Variants in DMD observed in about 807,000 individuals in gnomAD.
DMD encodes the protein mutant dystrophin.
A neutral mutation model predicts 330.1 loss-of-function variants in DMD; 63 were observed. The observed-to-expected ratio is 0.19, with a 90% CI of 0.16 to 0.24. The LOEUF (loss-of-function observed/expected upper bound fraction) is 0.24. Ranked by LOEUF, DMD falls within the 10% of genes least tolerant of loss-of-function variation. DMD has a pLI of 1.00. For missense variants in DMD, 3,344 were observed against 2,684.1 expected (o/e 1.25, Z -5.43); for synonymous variants, 1,223 against 959.8 (o/e 1.27, Z -5.07).
chrX:32,119,355 G>T (rs1036979324), intron 44 of DMD, among the ~76,000 whole-genome samples: 2 of 106,145 alleles, frequency 1.9e-5, no homozygotes, highest in Admixed American at 1.0e-4. Flanking sequence ...AAGCCAAAAG[G>T]ATTAGAGCAC....
In DMD at chrX:31,135,880, AC is replaced by A. The variant is rs912624715; in HGVS notation, c.10922-1687del. The stretch of plus-strand genomic sequence containing the variant: ...CTTAATTAGGGACAACCTCAGGTTT[AC>A]ATCTGACTTGGAACTGCTTCGGAAG... On this transcript the variant is annotated intron_variant, in intron 76 of 78. Transcript: ENST00000357033. Among the ~76,000 whole-genome samples, 50 of 112,396 alleles carry A rather than the reference AC, an allele frequency of 4.4e-4. 1 individual carries two copies. Among genetic ancestry groups the A allele is most frequent in the African/African-American group, 1.6e-3 (48 of 30,929 alleles).
intron 55 of DMD, among the ~76,000 whole-genome samples, chrX:31,622,873 T>C (rs776944097): frequency 0.15 from 12,653 of 86,592 alleles, 1,097 homozygotes; most frequent in African/African-American, 0.25. Flanking sequence ...TATATATATA[T>C]ATATACACAC....
intron 55 of DMD, among the ~76,000 whole-genome samples, chrX:31,621,743 A>C (rs1487206702): frequency 1.8e-5 from 2 of 111,978 alleles, no homozygotes; most frequent in African/African-American, 3.3e-5. Flanking sequence ...CTGCTACATC[A>C]TGCTGTCTTT....
intron 9 of DMD, among the ~76,000 whole-genome samples, chrX:32,665,787 G>T (rs2061265189): frequency 8.9e-6 from 1 of 112,068 alleles, no homozygotes; most frequent in African/African-American, 3.2e-5. Flanking sequence ...CCCTTATGGC[G>T]CCATGTCTAA....
At chrX:32,399,739 C>A (rs1057371768) in intron 30 of DMD, among the ~76,000 whole-genome samples, 2 of 111,247 alleles carry the variant, frequency 1.8e-5, no homozygotes, top group South Asian at 3.8e-4. Context: ...GTGTATATAC[C>A]CAAAAGAAAG....
chrX:32,185,515 T>A (rs2096942546), intron 44 of DMD, among the ~76,000 whole-genome samples: 1 of 111,660 alleles, frequency 9.0e-6, no homozygotes, highest in Non-Finnish European at 1.9e-5. Context: ...AAAGTTAGAA[T>A]CATTATCCAT....
In DMD at chrX:32,253,651, T is replaced by C. The variant is rs772070851; in HGVS notation, c.6290+33878A>G. Among the ~76,000 whole-genome samples the C allele has an allele frequency of 8.6e-5, 9 of 104,768 alleles. No homozygotes were observed. The South Asian group carries it at 4.1e-3, about 48-fold the overall frequency. 91.0% of individuals were successfully genotyped at this position (104,768 alleles called of 115,157 possible). ...TTTTTTTTTTTTTTTTGAGATGTAG[T>C]CTCGCTCTGTCACCCAGGCTGGAGT... is the stretch of plus-strand genomic sequence containing the variant. On this transcript the variant is annotated intron_variant, in intron 43 of 78. Coordinates refer to ENST00000357033, the MANE Select transcript of DMD (RefSeq NM_004006.3).
At position 32,141,211 on chromosome X, in the gene DMD, A is replaced by C. The variant is rs1747859623; in HGVS notation, c.6438+75705T>G. Among the ~76,000 whole-genome samples, 3 of 108,053 alleles carry C rather than the reference A, an allele frequency of 2.8e-5. No individual in the cohort carries two copies. In the Admixed American group the frequency reaches 3.0e-4, roughly 11 times the overall value. 93.8% of individuals were successfully genotyped at this position (108,053 alleles called of 115,157 possible). A position where few individuals can be genotyped will look rare whatever the true frequency, so the allele number is the denominator to read the frequency against. On this transcript the variant is annotated intron_variant, in intron 44 of 78. Coordinates refer to ENST00000357033, the MANE Select transcript of DMD (RefSeq NM_004006.3). ...GAGGCTGAGTCGGGTGGATGACTTG[A>C]GGCTAGGAGTTCGAGACCAGCCTGG... is the stretch of plus-strand genomic sequence containing the variant.
chrX:33,096,707 T>C (rs770993696), intron 1 of DMD, among the ~76,000 whole-genome samples: 268 of 111,441 alleles, frequency 2.4e-3, no homozygotes, highest in African/African-American at 8.2e-3. Context: ...GGTTTCACCA[T>C]GTGGGCCAGG....
intron 20 of DMD, among the ~76,000 whole-genome samples, chrX:32,489,774 G>A (rs2042822153): frequency 9.0e-6 from 1 of 111,690 alleles, no homozygotes; most frequent in African/African-American, 3.3e-5. Flanking sequence ...AATCGGATAA[G>A]GTAACATCAG....
At chrX:32,281,928 C>T (rs1328204031) in intron 43 of DMD, among the ~76,000 whole-genome samples, 1 of 111,644 alleles carries the variant, frequency 9.0e-6, no homozygotes, top group Non-Finnish European at 1.9e-5. Flanking sequence ...AATTTAACTA[C>T]TTATATGGGT....
At chrX:33,292,901 C>T (rs55753806) in intron 1 of DMD, among the ~76,000 whole-genome samples, 34,999 of 109,176 alleles carry the variant, frequency 0.32, 4,820 homozygotes, top group Middle Eastern at 0.44. Context: ...TTCTGCTTCT[C>T]TTTTTTTAGT....
chrX:32,741,881 A>T (rs183204416), intron 7 of DMD, among the ~76,000 whole-genome samples: 1 of 112,312 alleles, frequency 8.9e-6, no homozygotes, highest in Non-Finnish European at 1.9e-5. Flanking sequence ...TAAACTTGTT[A>T]GGCAAAAGTT....
chrX:33,258,409 A>G (rs1226951771), intron 1 of DMD, among the ~76,000 whole-genome samples: 1 of 111,664 alleles, frequency 9.0e-6, no homozygotes, highest in African/African-American at 3.2e-5. Flanking sequence ...GCTAATCATC[A>G]GTTACAGAAC....
At chrX:33,187,358 A>C (rs762270987) in intron 1 of DMD, among the ~76,000 whole-genome samples, 52 of 112,591 alleles carry the variant, frequency 4.6e-4, no homozygotes, top group African/African-American at 1.7e-3. Context: ...ATGATAGTAA[A>C]TGGTAATAAA....
intron 27 of DMD, among the ~76,000 whole-genome samples, chrX:32,446,257 G>A (rs890441621): frequency 9.0e-6 from 1 of 110,721 alleles, no homozygotes; most frequent in Non-Finnish European, 1.9e-5. Context: ...GAGTGAAACT[G>A]TAGAAGACAA....
At chrX:32,635,956 A>G (rs1290711243) in intron 11 of DMD, among the ~76,000 whole-genome samples, 1 of 111,740 alleles carries the variant, frequency 8.9e-6, no homozygotes, top group Non-Finnish European at 1.9e-5. Context: ...CTACTGGCCT[A>G]GTTTACCTAC....
At chrX:32,525,739 C>A in intron 17 of DMD, among the ~76,000 whole-genome samples, 1 of 111,348 alleles carries the variant, frequency 9.0e-6, no homozygotes. Context: ...AAATTGGGTG[C>A]TATCTACTCT....
chrX:31,952,421 T>C (rs2095194269), intron 45 of DMD, among the ~76,000 whole-genome samples: 1 of 106,535 alleles, frequency 9.4e-6, no homozygotes, highest in Non-Finnish European at 1.9e-5. Flanking sequence ...ATTGGATAAT[T>C]TTTATTTATC....
Sources: gnomAD v4.1 joint callset for allele counts (sites outside exome capture counted in the v4.1 genomes callset) on GRCh38, gnomAD v4.1.1 for gene constraint, MANE v1.5 for transcripts, NCBI Gene and HGNC (gene_info 2026-07-23, HGNC 2026-07-21) for gene names.